Variants in RBM19 observed in about 807,000 individuals in gnomAD.
The protein encoded by RBM19 is RNA binding motif protein 19.
Under a neutral mutation model 116.8 loss-of-function variants are expected in RBM19, and 94 were observed. That is an observed-to-expected ratio of 0.80 (90% CI 0.68 to 0.95). RBM19 has a LOEUF of 0.95. Ranked by LOEUF, RBM19 falls within the 40% of genes least tolerant of loss-of-function variation. RBM19 has a pLI of 0.00. For missense variants in RBM19, 1,161 were observed against 1,220.7 expected, an observed-to-expected ratio of 0.95 and a Z score of 0.73; for synonymous variants, 475 against 494.1, an observed-to-expected ratio of 0.96 and a Z score of 0.51.
intron 21 of RBM19, among the ~76,000 whole-genome samples, chr12:113,876,295 GGAGGTGGGGGTCAT>G (rs1879664388): frequency 6.6e-6 from 1 of 152,178 alleles, no homozygotes; most frequent in African/African-American, 2.4e-5. Context: ...GGCATAGCTG[GGAGGTGGGGGTCAT>G]GAGTGTGAAC....
chr12:113,852,022 G>C (rs1877491864), intron 22 of RBM19, among the ~76,000 whole-genome samples: 1 of 151,108 alleles, frequency 6.6e-6, no homozygotes, highest in Admixed American at 6.6e-5. Flanking sequence ...CTGCACTCCA[G>C]CCTGAGCGAC....
chr12:113,927,591 C>CAA (rs764020256), intron 16 of RBM19, among the ~76,000 whole-genome samples: 21 of 63,060 alleles, frequency 3.3e-4, no homozygotes, highest in South Asian at 7.8e-4. Context: ...CCTCAAAAAA[C>CAA]AAAAAAAAAA....
At chr12:113,851,100 T>C (rs1877411271) in intron 22 of RBM19, among the ~76,000 whole-genome samples, 1 of 152,314 alleles carries the variant, frequency 6.6e-6, no homozygotes, top group South Asian at 2.1e-4. Flanking sequence ...CCTCACAGGG[T>C]AGCTGTCTGC....
intron 18 of RBM19, among the ~76,000 whole-genome samples, chr12:113,921,590 G>C (rs947463264): frequency 3.9e-5 from 6 of 152,148 alleles, no homozygotes; most frequent in African/African-American, 1.4e-4. Context: ...TTGACAGCAG[G>C]TGTTACAAAA....
intron 2 of RBM19, among the ~76,000 whole-genome samples, chr12:113,960,484 A>G (rs1872397506): frequency 6.6e-6 from 1 of 152,232 alleles, no homozygotes; most frequent in Non-Finnish European, 1.5e-5. Context: ...CGAGCCTCTC[A>G]TGTCAGTGAC....
chr12:113,925,828 T>C (rs1353232532), intron 17 of RBM19, among the ~76,000 whole-genome samples: 1 of 152,224 alleles, frequency 6.6e-6, no homozygotes, highest in East Asian at 1.9e-4. Context: ...CGGATAATGA[T>C]GTTCCCATAC....
chr12:113,945,305 C>T lies in RBM19; in HGVS notation c.1626+523G>A, dbSNP rs185734952. 1.4e-3 allele frequency among the ~76,000 whole-genome samples: 206 copies of T among 152,276 alleles called. 1 individual carries two copies. Among genetic ancestry groups the T allele is most frequent in the South Asian group, 6.4e-3 (31 of 4,822 alleles). ...GCTAGACTTGGGAGAGAAGGAGGAA[C>T]GGAACCCAGCGACCCCCTCCTCTGG... On this transcript the variant is annotated intron_variant, in intron 13 of 23. Transcript: ENST00000261741.
chr12:113,869,157 TGA>T (rs1593508723), intron 21 of RBM19, among the ~76,000 whole-genome samples: 5 of 152,182 alleles, frequency 3.3e-5, no homozygotes, highest in Non-Finnish European at 2.9e-5. Context: ...AGGAACTGGC[TGA>T]GAGTCCGACC....
At chr12:113,829,700 T>C (rs1024997584) in intron 23 of RBM19, among the ~76,000 whole-genome samples, 3 of 152,174 alleles carry the variant, frequency 2.0e-5, no homozygotes, top group Non-Finnish European at 4.4e-5. Context: ...TTACCAAAGT[T>C]ACTCTTCTGC....
At chr12:113,932,336 A>T (rs553518476) in intron 16 of RBM19, among the ~76,000 whole-genome samples, 2 of 152,232 alleles carry the variant, frequency 1.3e-5, no homozygotes, top group African/African-American at 4.8e-5. Context: ...GGGAGAGAAC[A>T]GTTTCGTTCT....
At chr12:113,915,201 G>A (rs572048264) in intron 20 of RBM19, 116 bp from the exon 21 acceptor site, 12 of 889,380 alleles carry the variant, frequency 1.3e-5, no homozygotes, top group South Asian at 5.7e-5. Context: ...AGGAGTGTGC[G>A]TGGGGTGCGG....
intron 22 of RBM19, among the ~76,000 whole-genome samples, chr12:113,847,178 C>T (rs1056489842): frequency 2.6e-5 from 4 of 152,196 alleles, no homozygotes; most frequent in Non-Finnish European, 5.9e-5. Flanking sequence ...CAGAGGGCAG[C>T]ACATAATACA....
intron 21 of RBM19, among the ~76,000 whole-genome samples, chr12:113,872,368 G>A (rs577906003): frequency 0.032 from 4,745 of 146,504 alleles, 211 homozygotes; most frequent in African/African-American, 0.11. Flanking sequence ...TCTCTGCCCG[G>A]CAGCCACCCC....
intron 14 of RBM19, among the ~76,000 whole-genome samples, chr12:113,942,053 G>T (rs919821583): frequency 6.6e-6 from 1 of 152,170 alleles, no homozygotes; most frequent in African/African-American, 2.4e-5. Flanking sequence ...ACTGGGTAGG[G>T]GAGTGAGATG....
chr12:113,879,684 A>G (rs1291150145), intron 21 of RBM19, among the ~76,000 whole-genome samples: 1 of 152,038 alleles, frequency 6.6e-6, no homozygotes, highest in African/African-American at 2.4e-5. Flanking sequence ...CCCTGTATCC[A>G]TAATGCCCAG....
intron 22 of RBM19, among the ~76,000 whole-genome samples, chr12:113,856,340 C>T (rs1202102863): frequency 6.6e-6 from 1 of 152,232 alleles, no homozygotes; most frequent in Non-Finnish European, 1.5e-5. Flanking sequence ...TCCTCAATGG[C>T]ACTCACTGCC....
At chr12:113,912,685 G>A (rs1009768713) in intron 21 of RBM19, among the ~76,000 whole-genome samples, 5 of 152,216 alleles carry the variant, frequency 3.3e-5, no homozygotes, top group Non-Finnish European at 5.9e-5. Flanking sequence ...CACAGCAAGC[G>A]TGTAATAAAA....
chr12:113,834,801 G>A lies in RBM19; in HGVS notation c.2785+9867C>T, dbSNP rs141909643. ...AGTTCTGCAGTGTCCAGACCGGTATGCCTTCAGACCGGGAACTAACTGCTC... is the reference window on the plus strand; with the variant it reads ...AGTTCTGCAGTGTCCAGACCGGTATACCTTCAGACCGGGAACTAACTGCTC... On this transcript the variant is annotated intron_variant, in intron 23 of 23. Transcript: ENST00000261741. Among the ~76,000 whole-genome samples the A allele has an allele frequency of 3.0e-4, 45 of 152,244 alleles. No homozygotes were observed. In the East Asian group the frequency reaches 7.3e-3, roughly 25 times the overall value.
At position 113,886,938 on chromosome 12, in the gene RBM19, C is replaced by T. The variant is rs79363287; in HGVS notation, c.2558+28031G>A. 6.0e-3 allele frequency among the ~76,000 whole-genome samples: 912 copies of T among 151,752 alleles called. 9 individuals carry two copies. Among genetic ancestry groups the T allele is most frequent in the African/African-American group, 0.021 (867 of 41,330 alleles). On this transcript the variant is annotated intron_variant, in intron 21 of 23. Transcript: ENST00000261741. ...TTCTCAGAGGAATGCAGAAAGCCTG[C>T]GCTGAGAGGGAATTCCGTGTTCATC...
Sources: gnomAD v4.1 joint callset for allele counts (sites outside exome capture counted in the v4.1 genomes callset) on GRCh38, gnomAD v4.1.1 for gene constraint, MANE v1.5 for transcripts, NCBI Gene and HGNC (gene_info 2026-07-23, HGNC 2026-07-21) for gene names.